SCN3B: variants seen among roughly 807,000 people sequenced by gnomAD.
SCN3B encodes the protein sodium channel regulatory subunit beta-3.
Under a neutral mutation model 25.4 loss-of-function variants are expected in SCN3B, and 11 were observed. The ratio of observed to expected loss-of-function variants is 0.43; its 90% confidence interval spans 0.27 to 0.72. The LOEUF (loss-of-function observed/expected upper bound fraction) is 0.72. Among genes scored for constraint, SCN3B ranks in the 30% least tolerant of loss-of-function variants. The pLI is 0.18. For missense variants in SCN3B, 218 were observed against 278.3 expected, an observed-to-expected ratio of 0.78 and a Z score of 1.54; for synonymous variants, 109 against 110.7, an observed-to-expected ratio of 0.99 and a Z score of 0.09.
intron 2 of SCN3B, among the ~76,000 whole-genome samples, chr11:123,646,601 G>A (rs1390499332): frequency 1.3e-5 from 2 of 152,182 alleles, no homozygotes; most frequent in African/African-American, 2.4e-5. Flanking sequence ...TCTGGAGCGG[G>A]GTCAGATTGT....
At chr11:123,646,440 G>A (rs542231312) in intron 2 of SCN3B, among the ~76,000 whole-genome samples, 25 of 152,308 alleles carry the variant, frequency 1.6e-4, no homozygotes, top group African/African-American at 2.2e-4. Flanking sequence ...TTTTAAAGTC[G>A]TGGAGAGATG....
intron 5 of SCN3B, among the ~76,000 whole-genome samples, chr11:123,635,584 G>A (rs1393924997): frequency 6.6e-6 from 1 of 152,002 alleles, no homozygotes; most frequent in Non-Finnish European, 1.5e-5. Flanking sequence ...TACTCGGGAG[G>A]CTGAGGCAGG....
intron 4 of SCN3B, chr11:123,639,106 G>C (rs1364418732): frequency 6.6e-6 from 1 of 152,420 alleles, no homozygotes; most frequent in African/African-American, 2.4e-5. Context: ...GACATGCAAG[G>C]GCCTTCACAA....
chr11:123,649,781 G>T (rs1287585024), intron 2 of SCN3B, among the ~76,000 whole-genome samples: 1 of 150,530 alleles, frequency 6.6e-6, no homozygotes, highest in African/African-American at 2.5e-5. Context: ...TCAGCTTACT[G>T]CAACCTCCGC....
intron 2 of SCN3B, among the ~76,000 whole-genome samples, chr11:123,646,078 C>T (rs1161376336): frequency 6.6e-6 from 1 of 152,158 alleles, no homozygotes; most frequent in Non-Finnish European, 1.5e-5. Flanking sequence ...GACAGGGCAT[C>T]TACCTACCCA....
intron 5 of SCN3B, 101 bp downstream of exon 5, chr11:123,638,085 G>T (rs1403307954): frequency 7.4e-7 from 1 of 1,347,828 alleles, no homozygotes. Context: ...TGATCATGAA[G>T]AGGGTGGAGG....
chr11:123,646,679 G>GT (rs1955857291), intron 2 of SCN3B, among the ~76,000 whole-genome samples: 1 of 152,190 alleles, frequency 6.6e-6, no homozygotes, highest in South Asian at 2.1e-4. Flanking sequence ...CTTGAAGTCT[G>GT]TTTTTTAAAA....
Position 123,632,862 on chromosome 11 carries a change from T to A in SCN3B, c.*937A>T, listed in dbSNP as rs1425632707. 1 of 152,250 alleles carries A rather than the reference T, an allele frequency of 6.6e-6. No homozygotes were observed. Among genetic ancestry groups the A allele is most frequent in the Non-Finnish European group, 1.5e-5 (1 of 68,052 alleles). 9.4% of individuals were successfully genotyped at this position (152,250 alleles called of 1,614,324 possible). ...GTGTAAACTGGGCAGCACCTAAGGC[T>A]TATTTCTGCTCCAGTTTATCCTCTT... On this transcript the variant is annotated 3_prime_UTR_variant, in exon 7 of 7. Transcript: ENST00000299333.
rs1955845622 is a variant in SCN3B at position 123,645,621 on chromosome 11, C to A, written c.185G>T (p.Trp62Leu). 1 of 1,614,196 alleles carries A rather than the reference C, an allele frequency of 6.2e-7. No homozygotes were observed. The highest frequency in any genetic ancestry group is 8.5e-7 in the Non-Finnish European group (1 of 1,180,016). ...EEVEATTVVE[W>L]FYRPEGGKDF... ...TTTACCGCCCTCGGGCCTGTAGAAC[C>A]ATTCCACCACCGTGGTGGCCTCCAC... The change falls in exon 3 of 7, where the codon TGG (tryptophan) becomes TTG (leucine). Residue 62 changes from tryptophan to leucine, a missense_variant. Transcript: ENST00000299333.
chr11:123,644,800 A>AGAGAGAGAGAGAGAGAGAGTAT (rs1272015067), intron 3 of SCN3B, among the ~76,000 whole-genome samples: 1 of 45,578 alleles, frequency 2.2e-5, no homozygotes, highest in African/African-American at 7.8e-5. Context: ...AGAGAGAGAG[A>AGAGAGAGAGAGAGAGAGAGTAT]ATATATATAT....
Position 123,642,657 on chromosome 11 carries a change from C to G in SCN3B, c.234G>C (p.Arg78=), listed in dbSNP as rs748523362. The change falls in exon 4 of 7, where the codon CGG becomes CGC. Residue 78 remains arginine, a synonymous_variant. Transcript: ENST00000299333. This position sits in a 1 kb window ranked among gnomAD's most constrained non-coding sequence, Gnocchi z 4.3. ...GGKDFLIYEY[R]NGHQEVESPF... is the part of the protein sequence containing the mutation. ...GGCTCTCCACCTCCTGGTGGCCATT[C>G]CGATACTCGTAAATCTGCAGATAGA... 6.2e-7 allele frequency: 1 copy of G among 1,613,916 alleles called. No homozygotes were observed. The highest frequency in any genetic ancestry group is 1.1e-5 in the South Asian group (1 of 91,068).
rs1955675115 is a variant in SCN3B at position 123,631,728 on chromosome 11, T to G, written c.*2071A>C. 1 of 152,062 alleles carries G rather than the reference T, an allele frequency of 6.6e-6. No homozygotes were observed. The highest frequency in any genetic ancestry group is 1.5e-5 in the Non-Finnish European group (1 of 68,012). The allele number at this position is 152,062 out of a possible 1,614,324, so 9.4% of individuals were successfully genotyped here. A position where few individuals can be genotyped will look rare whatever the true frequency, so the allele number is the denominator to read the frequency against. On this transcript the variant is annotated 3_prime_UTR_variant, in exon 7 of 7. Transcript: ENST00000299333. ...CCTGTAGTCCCAGTTACCTGGGGGC[T>G]GAGGTGGGAGGATTGCTTAAACCTG...
Position 123,645,724 on chromosome 11 carries a change from C to G in SCN3B, c.82G>C (p.Glu28Gln). 2.5e-6 allele frequency: 4 copies of G among 1,614,062 alleles called. No homozygotes were observed. The highest frequency in any genetic ancestry group is 3.4e-6 in the Non-Finnish European group (4 of 1,180,028). ...ACGGCCTCCGTCTCCGAGGGCACTT[C>G]CACACACACAGGGAAGCAGACACTG... ...WVSVCFPVCV[E>Q]VPSETEAVQG... The change falls in exon 3 of 7, where the codon GAA becomes CAA. Residue 28 changes from glutamate to glutamine, a missense_variant. Glu to Gln is a conservative substitution (Grantham distance 29). Transcript: ENST00000299333.
chr11:123,648,958 A>C (rs1955887181), intron 2 of SCN3B, among the ~76,000 whole-genome samples: 1 of 151,432 alleles, frequency 6.6e-6, no homozygotes, highest in Admixed American at 6.6e-5. Context: ...GAGCAGCAGA[A>C]GGTTCTGAGA....
At chr11:123,651,086 T>TTTTATTGTATTAATTA (rs200694236) in intron 2 of SCN3B, among the ~76,000 whole-genome samples, 2 of 151,408 alleles carry the variant, frequency 1.3e-5, no homozygotes, top group South Asian at 2.1e-4. Flanking sequence ...ATTATTATTA[T>TTTTATTGTATTAATTA]TTTATTGTAT....
chr11:123,651,865 T>A (rs1166006858), intron 2 of SCN3B, among the ~76,000 whole-genome samples: 1 of 152,200 alleles, frequency 6.6e-6, no homozygotes, highest in East Asian at 1.9e-4. Flanking sequence ...TCTAGCAATA[T>A]TCTTCAAAGA....
At position 123,638,221 on chromosome 11, in the gene SCN3B, C is replaced by T. The variant is rs1408262510; in HGVS notation, c.549G>A (p.Lys183=). The T allele has an allele frequency of 6.2e-7, 1 of 1,613,990 alleles. No individual in the cohort carries two copies. Among genetic ancestry groups the T allele is most frequent in the Non-Finnish European group, 8.5e-7 (1 of 1,180,042 alleles). ...GGGCTGCCTCTTCGGCTTTTGAGACCTTTCTGTAGCAATATATCATCTCGA... is the reference window on the plus strand; with the variant it reads ...GGGCTGCCTCTTCGGCTTTTGAGACTTTTCTGTAGCAATATATCATCTCGA... ...LLIEMIYCYR[K]VSKAEEAAQE... is the part of the protein sequence containing the mutation. The change falls in exon 5 of 7, where the codon AAG becomes AAA. Residue 183 remains lysine (K), a synonymous_variant. Transcript: ENST00000299333.
In SCN3B at chr11:123,638,229, A is replaced by G. The variant is rs780983107; in HGVS notation, c.541T>C (p.Tyr181His). Residue 181 changes from tyrosine to histidine, a missense_variant, in exon 5 of 7, where the codon TAC becomes CAC. Coordinates refer to ENST00000299333, the MANE Select transcript of SCN3B (RefSeq NM_001040151.2). Reference protein sequence around the residue: ...LWLLIEMIYCYRKVSKAEEAA... With the variant: ...LWLLIEMIYCHRKVSKAEEAA... ...TCTTCGGCTTTTGAGACCTTTCTGT[A>G]GCAATATATCATCTCGATGAGCAGC... The G allele has an allele frequency of 1.2e-6, 2 of 1,614,110 alleles. No individual in the cohort carries two copies. Among genetic ancestry groups the G allele is most frequent in the East Asian group, 2.2e-5 (1 of 44,880 alleles).
Position 123,643,693 on chromosome 11 carries a change from C to T in SCN3B, c.220-1022G>A, listed in dbSNP as rs550095247. Among the ~76,000 whole-genome samples the T allele has an allele frequency of 9.2e-5, 14 of 152,326 alleles. No homozygotes were observed. In the South Asian group the frequency reaches 2.9e-3, roughly 32 times the overall value. ...TTGCCGTTTTATTTTTCATTTTCTTCTTCTTCTGATCCACCTTTTCCTCAC... is the reference window on the plus strand; with the variant it reads ...TTGCCGTTTTATTTTTCATTTTCTTTTTCTTCTGATCCACCTTTTCCTCAC... On this transcript the variant is annotated intron_variant, in intron 3 of 6. Transcript: ENST00000299333.
Sources: gnomAD v4.1 joint callset for allele counts (sites outside exome capture counted in the v4.1 genomes callset) on GRCh38, gnomAD v4.1.1 for gene constraint, Gnocchi (gnomAD v3.1) non-coding constraint, MANE v1.5 for transcripts, NCBI Gene and HGNC (gene_info 2026-07-23, HGNC 2026-07-21) for gene names.